The following FBXO32 variants were observed in gnomAD, a reference collection of about 807,000 sequenced individuals.
FBXO32 encodes F-box protein 32, also known as F-box only protein 32.
A neutral mutation model predicts 48.3 loss-of-function variants in FBXO32; 15 were observed. That is an observed-to-expected ratio of 0.31 (90% confidence interval 0.21 to 0.48). The LOEUF (loss-of-function observed/expected upper bound fraction) is 0.48. Among genes scored for constraint, FBXO32 ranks in the 20% least tolerant of loss-of-function variants. The probability of loss-of-function intolerance (pLI) is 0.99; values close to 1 mark genes in which losing one functional copy is unlikely to be tolerated. For synonymous variants in FBXO32, 154 were observed against 165.9 expected (o/e 0.93, Z 0.55); for missense variants, 309 against 432.7 (o/e 0.71, Z 2.54).
intron 6 of FBXO32, among the ~76,000 whole-genome samples, chr8:123,509,630 G>A (rs899414752): frequency 6.6e-6 from 1 of 152,142 alleles, no homozygotes; most frequent in Non-Finnish European, 1.5e-5. Flanking sequence ...AGCCCAGGAG[G>A]CCAAGGCTGC....
intron 1 of FBXO32, among the ~76,000 whole-genome samples, chr8:123,537,272 G>A (rs1019338215): frequency 6.6e-6 from 1 of 150,960 alleles, no homozygotes; most frequent in African/African-American, 2.4e-5. Flanking sequence ...CCATCTCAAC[G>A]AGGCTGCTTT....
Position 123,540,573 on chromosome 8 carries a change from A to C in FBXO32, c.116+326T>G, listed in dbSNP as rs1168635126. ...CTCCGGTGTCCTTAAAGCAGGGACC[A>C]CTAAAGCTGTGTGATTAAGTTTGAG... On this transcript the variant is annotated intron_variant, in intron 1 of 8. Coordinates refer to ENST00000517956, the MANE Select transcript of FBXO32 (RefSeq NM_058229.4). This position sits in a 1 kb window ranked among gnomAD's most constrained non-coding sequence, Gnocchi z 6.4. Among the ~76,000 whole-genome samples, 1 of 152,216 alleles carries C rather than the reference A, an allele frequency of 6.6e-6. No homozygotes were observed. The highest frequency in any genetic ancestry group is 1.5e-5 in the Non-Finnish European group (1 of 68,028).
chr8:123,519,062 C>T (rs1001049730), intron 4 of FBXO32, among the ~76,000 whole-genome samples: 4 of 152,104 alleles, frequency 2.6e-5, no homozygotes, highest in East Asian at 1.9e-4. Context: ...TGGGATCAAG[C>T]GATCCTCGTG....
In FBXO32 at chr8:123,506,243, C is replaced by G; in HGVS notation, c.834+149G>C. On this transcript the variant is annotated intron_variant, in intron 7 of 8. Coordinates refer to ENST00000517956, the MANE Select transcript of FBXO32 (RefSeq NM_058229.4). The surrounding 1 kb of genome is among the most constrained non-coding windows in gnomAD (Gnocchi z 4.0). ...GACCCTGTCTCAAAAAACAAAATCA[C>G]AAAACTCCTTCAACTGTCATTTTTC... 1.1e-6 allele frequency: 1 copy of G among 884,330 alleles called. No homozygotes were observed. Among genetic ancestry groups the G allele is most frequent in the Admixed American group, 2.6e-5 (1 of 38,012 alleles). The allele number at this position is 884,330 out of a possible 1,614,324, so 54.8% of individuals were successfully genotyped here.
Position 123,540,637 on chromosome 8 carries a change from T to C in FBXO32, c.116+262A>G, listed in dbSNP as rs558629285. Among the ~76,000 whole-genome samples the C allele has an allele frequency of 2.6e-5, 4 of 152,338 alleles. No individual in the cohort carries two copies. The highest frequency in any genetic ancestry group is 9.6e-5 in the African/African-American group (4 of 41,578). On this transcript the variant is annotated intron_variant, in intron 1 of 8. Coordinates refer to ENST00000517956, the MANE Select transcript of FBXO32 (RefSeq NM_058229.4). This position sits in a 1 kb window ranked among gnomAD's most constrained non-coding sequence, Gnocchi z 6.4. Reference sequence around the variant, plus strand: ...ACACGATCCGCGAATGTCATCAGACTCTCAGAGGGACCAGGTGTTCTGTAA... The same window carrying C: ...ACACGATCCGCGAATGTCATCAGACCCTCAGAGGGACCAGGTGTTCTGTAA...
chr8:123,535,226 C>T (rs941586394), intron 1 of FBXO32, among the ~76,000 whole-genome samples: 1 of 152,104 alleles, frequency 6.6e-6, no homozygotes, highest in African/African-American at 2.4e-5. Flanking sequence ...AGTATCTACC[C>T]CAAGCTGCTG....
chr8:123,539,346 A>G (rs1020882719), intron 1 of FBXO32, among the ~76,000 whole-genome samples: 2 of 152,244 alleles, frequency 1.3e-5, no homozygotes, highest in African/African-American at 4.8e-5. Context: ...ACAAGGAGGA[A>G]GGAAGGAAGG....
intron 4 of FBXO32, 100 bp downstream of exon 4, chr8:123,531,798 C>A: frequency 6.8e-7 from 1 of 1,473,160 alleles, no homozygotes; most frequent in South Asian, 1.4e-5. Flanking sequence ...TCTTAGGGTC[C>A]TAAAAAGTAA....
chr8:123,521,749 C>T (rs73330079), intron 4 of FBXO32, among the ~76,000 whole-genome samples: 15,137 of 152,012 alleles, frequency 0.1, 1,149 homozygotes, highest in East Asian at 0.41. Context: ...ATGTGTCTGA[C>T]TGGAAAATCT....
intron 3 of FBXO32, chr8:123,532,203 C>G (rs1817224632): frequency 7.4e-7 from 1 of 1,353,230 alleles, no homozygotes; most frequent in Non-Finnish European, 9.5e-7. Context: ...CAGTCAGCCC[C>G]TCACATGTCA....
rs143578908 is a variant in FBXO32 at position 123,511,643 on chromosome 8, T to G, written c.651+1555A>C. Among the ~76,000 whole-genome samples, 990 of 152,118 alleles carry G rather than the reference T, an allele frequency of 6.5e-3. 9 individuals carry two copies. The highest frequency in any genetic ancestry group is 0.023 in the African/African-American group (954 of 41,494). ...GGTGTGTACCACCATGCCTGGCTAA[T>G]TTTTGTATGTTTAGTAGAGATGGAG... On this transcript the variant is annotated intron_variant, in intron 6 of 8. Coordinates refer to ENST00000517956, the MANE Select transcript of FBXO32 (RefSeq NM_058229.4).
intron 4 of FBXO32, among the ~76,000 whole-genome samples, chr8:123,530,011 C>G (rs1245510971): frequency 6.6e-6 from 1 of 152,222 alleles, no homozygotes; most frequent in Non-Finnish European, 1.5e-5. Context: ...GGGCCCATTT[C>G]CAACCAGCCT....
rs1021273628 is a variant in FBXO32, at chr8:123,540,289, C to A, written c.116+610G>T. Among the ~76,000 whole-genome samples the A allele has an allele frequency of 6.6e-6, 1 of 152,200 alleles. No individual in the cohort carries two copies. Among genetic ancestry groups the A allele is most frequent in the Admixed American group, 6.5e-5 (1 of 15,292 alleles). Reference sequence around the variant, plus strand: ...TCCCTCCTTTGCACCTCTGCAGCCCCAAGCCTCCACCGCTCGCAAGTCCGC... The same window carrying A: ...TCCCTCCTTTGCACCTCTGCAGCCCAAAGCCTCCACCGCTCGCAAGTCCGC... On this transcript the variant is annotated intron_variant, in intron 1 of 8. Transcript: ENST00000517956. The surrounding 1 kb of genome is among the most constrained non-coding windows in gnomAD (Gnocchi z 6.4).
intron 4 of FBXO32, among the ~76,000 whole-genome samples, chr8:123,516,835 CAGG>C (rs1370454344): frequency 6.6e-6 from 1 of 152,010 alleles, no homozygotes; most frequent in Non-Finnish European, 1.5e-5. Flanking sequence ...AGTTGGAAGT[CAGG>C]AGCTCACCGA....
At position 123,501,347 on chromosome 8, in the gene FBXO32, A is replaced by T. The variant is rs543862080; in HGVS notation, c.*2026T>A. 5 of 139,044 alleles carry T rather than the reference A, an allele frequency of 3.6e-5. No individual in the cohort carries two copies. The East Asian group carries it at 1.1e-3, about 30-fold the overall frequency. 8.6% of individuals were successfully genotyped at this position (139,044 alleles called of 1,614,324 possible). On this transcript the variant is annotated 3_prime_UTR_variant, in exon 9 of 9. Coordinates refer to ENST00000517956, the MANE Select transcript of FBXO32 (RefSeq NM_058229.4). The stretch of plus-strand genomic sequence containing the variant: ...TGCATTCCCAATGTGAAATTGGTTC[A>T]GGGGGAGAGGGATTGCAAAAAAAAA...
rs764188775 is a variant in FBXO32 at position 123,506,085 on chromosome 8, C to T, written c.834+307G>A. ...CAAAAACAATAATAAAAAAATTATC[C>T]GGGTGTTGTGGCATGAGCCTGTAGT... On this transcript the variant is annotated intron_variant, in intron 7 of 8. Coordinates refer to ENST00000517956, the MANE Select transcript of FBXO32 (RefSeq NM_058229.4). This position sits in a 1 kb window ranked among gnomAD's most constrained non-coding sequence, Gnocchi z 4.0. Among the ~76,000 whole-genome samples the T allele has an allele frequency of 8.6e-5, 13 of 151,920 alleles. No homozygotes were observed. The highest frequency in any genetic ancestry group is 1.8e-4 in the Non-Finnish European group (12 of 67,990).
rs1816624532 is a variant in FBXO32 at position 123,506,514 on chromosome 8, G to A, written c.712C>T (p.Gln238Ter). The change falls in exon 7 of 9, where the codon CAG becomes TAG. Residue 238 changes from glutamine (Q) to a stop codon, truncating the protein, a stop_gained. Coordinates refer to ENST00000517956, the MANE Select transcript of FBXO32 (RefSeq NM_058229.4). LOFTEE classifies it high-confidence loss of function. This position sits in a 1 kb window ranked among gnomAD's most constrained non-coding sequence, Gnocchi z 4.0. ...LPLCLQLNIM[Q>*]RLSDGRDLVS... is the part of the protein sequence containing the mutation. ...AGGTCCCGCCCGTCGCTCAGCCTCT[G>A]CATGATGTTCAGTTGTAGGCACAAA... 6.2e-7 allele frequency: 1 copy of A among 1,613,728 alleles called. No homozygotes were observed. The highest frequency in any genetic ancestry group is 8.5e-7 in the Non-Finnish European group (1 of 1,179,768).
chr8:123,527,669 G>A (rs1256876488), intron 4 of FBXO32, among the ~76,000 whole-genome samples: 1 of 152,154 alleles, frequency 6.6e-6, no homozygotes. Flanking sequence ...GGTTGGATAT[G>A]CTAAAATCCT....
intron 6 of FBXO32, among the ~76,000 whole-genome samples, chr8:123,512,314 A>C (rs549514138): frequency 6.6e-6 from 1 of 152,214 alleles, no homozygotes; most frequent in East Asian, 1.9e-4. Context: ...TGAAAACTTC[A>C]TCTAGTAAAA....
Sources: gnomAD v4.1 joint callset for allele counts (sites outside exome capture counted in the v4.1 genomes callset) on GRCh38, gnomAD v4.1.1 for gene constraint, Gnocchi (gnomAD v3.1) non-coding constraint, MANE v1.5 for transcripts, NCBI Gene and HGNC (gene_info 2026-07-23, HGNC 2026-07-21) for gene names.